Variants in HMCN1 observed in about 807,000 individuals in gnomAD.
HMCN1 encodes the protein hemicentin-1.
HMCN1 carries 321 observed loss-of-function variants against 625.9 expected under a neutral mutation model. The ratio of observed to expected loss-of-function variants is 0.51; its 90% CI spans 0.47 to 0.56. The LOEUF (loss-of-function observed/expected upper bound fraction) is 0.56, where lower values mean the gene tolerates loss of function less well. Among genes scored for constraint, HMCN1 ranks in the 20% least tolerant of loss-of-function variants. HMCN1 has a pLI of 0.00. For missense variants in HMCN1, 6,588 were observed against 6,887.3 expected, an observed-to-expected ratio of 0.96 and a Z score of 1.54; for synonymous variants, 2,425 against 2,417.6, an observed-to-expected ratio of 1.00 and a Z score of -0.09.
At chr1:185,993,926 T>C (rs968567349) in intron 23 of HMCN1, among the ~76,000 whole-genome samples, 1 of 152,086 alleles carries the variant, frequency 6.6e-6, no homozygotes, top group Admixed American at 6.6e-5. Context: ...TCACCACAAT[T>C]GTGTCCCCAT....
intron 1 of HMCN1, among the ~76,000 whole-genome samples, chr1:185,798,166 A>G (rs1658532925): frequency 6.6e-6 from 1 of 152,100 alleles, no homozygotes. Flanking sequence ...TGTGAAGCCT[A>G]GTTTAGCAGA....
Position 186,134,955 on chromosome 1 carries a change from G to A in HMCN1, c.13313-1713G>A, listed in dbSNP as rs1649503666. 2.0e-5 allele frequency among the ~76,000 whole-genome samples: 3 copies of A among 152,254 alleles called. No individual in the cohort carries two copies. In the South Asian group the frequency reaches 6.2e-4, roughly 32 times the overall value. On this transcript the variant is annotated intron_variant, in intron 86 of 106. Coordinates refer to ENST00000271588, the MANE Select transcript of HMCN1 (RefSeq NM_031935.3). Reference sequence around the variant, plus strand: ...CAACCCTGTATGCTGTTACTCTTCAGGGTGAACCTTCCTTTCTATTCTGTT... The same window carrying A: ...CAACCCTGTATGCTGTTACTCTTCAAGGTGAACCTTCCTTTCTATTCTGTT...
At chr1:186,035,627 T>C (rs1196078215) in intron 36 of HMCN1, among the ~76,000 whole-genome samples, 2 of 152,150 alleles carry the variant, frequency 1.3e-5, no homozygotes, top group Non-Finnish European at 2.9e-5. Flanking sequence ...TCAATTTCAC[T>C]TTATTTTTCT....
chr1:186,185,605 C>A (rs1388098488), intron 105 of HMCN1, among the ~76,000 whole-genome samples: 1 of 152,222 alleles, frequency 6.6e-6, no homozygotes, highest in Non-Finnish European at 1.5e-5. Context: ...CCGTATCATT[C>A]TAACCCAGTA....
intron 86 of HMCN1, among the ~76,000 whole-genome samples, chr1:186,135,699 T>A (rs1005417847): frequency 8.5e-5 from 13 of 152,342 alleles, no homozygotes; most frequent in African/African-American, 2.9e-4. Flanking sequence ...TTCTTCCCTT[T>A]AACCCATACC....
intron 4 of HMCN1, among the ~76,000 whole-genome samples, chr1:185,883,350 C>G (rs1664427411): frequency 1.3e-5 from 2 of 152,040 alleles, no homozygotes; most frequent in African/African-American, 4.8e-5. Flanking sequence ...TATTCCACTA[C>G]AATTATGATA....
At chr1:185,782,597 C>T (rs942587304) in intron 1 of HMCN1, among the ~76,000 whole-genome samples, 86 of 152,310 alleles carry the variant, frequency 5.6e-4, no homozygotes, top group South Asian at 1.7e-3. Flanking sequence ...ATTTCTCCTT[C>T]ACTTATGAAG....
At chr1:185,937,682 C>A (rs1395641910) in intron 11 of HMCN1, among the ~76,000 whole-genome samples, 1 of 151,948 alleles carries the variant, frequency 6.6e-6, no homozygotes, top group East Asian at 1.9e-4. Flanking sequence ...GAGATTGAGA[C>A]CATCCTGGCT....
Position 186,022,415 on chromosome 1 carries a change from T to C in HMCN1, c.5626-615T>C, listed in dbSNP as rs1654782187. On this transcript the variant is annotated intron_variant, in intron 35 of 106. Coordinates refer to ENST00000271588, the MANE Select transcript of HMCN1 (RefSeq NM_031935.3). ...CAACCACACCAAATGCTATAGATGG[T>C]AGAGGAGAGTATGAGCTTACTACCT... Among the ~76,000 whole-genome samples the C allele has an allele frequency of 5.9e-5, 9 of 152,086 alleles. No homozygotes were observed. In the South Asian group the frequency reaches 1.9e-3, roughly 32 times the overall value.
intron 4 of HMCN1, among the ~76,000 whole-genome samples, chr1:185,896,640 TG>T (rs943650272): frequency 1.4e-4 from 21 of 152,324 alleles, no homozygotes; most frequent in African/African-American, 5.1e-4. Context: ...GAAAGATCCT[TG>T]GAACGGATGC....
intron 29 of HMCN1, among the ~76,000 whole-genome samples, chr1:186,005,770 C>T (rs1455563847): frequency 6.6e-6 from 1 of 152,064 alleles, no homozygotes; most frequent in Non-Finnish European, 1.5e-5. Flanking sequence ...ATGTTACTTG[C>T]ACAATTGACA....
At chr1:186,055,858 C>T (rs188469457) in intron 45 of HMCN1, among the ~76,000 whole-genome samples, 184 bp downstream of exon 45, 4 of 152,038 alleles carry the variant, frequency 2.6e-5, no homozygotes, top group Admixed American at 2.6e-4. Flanking sequence ...CATTATTTAC[C>T]TTGCTGAAAT....
At chr1:186,085,377 A>C (rs75975196) in intron 57 of HMCN1, among the ~76,000 whole-genome samples, 2 of 152,204 alleles carry the variant, frequency 1.3e-5, no homozygotes, top group East Asian at 3.9e-4. Context: ...GTTTGCAGGC[A>C]CCTGCTTTGT....
intron 86 of HMCN1, among the ~76,000 whole-genome samples, chr1:186,134,736 G>A (rs1649490252): frequency 6.6e-6 from 1 of 152,068 alleles, no homozygotes; most frequent in Non-Finnish European, 1.5e-5. Context: ...ACACTTCTCA[G>A]TCTAAAATAT....
chr1:186,099,029 G>A (rs1333202695), intron 68 of HMCN1, among the ~76,000 whole-genome samples: 1 of 152,046 alleles, frequency 6.6e-6, no homozygotes, highest in Non-Finnish European at 1.5e-5. Flanking sequence ...GAGACAGGGG[G>A]AGTAGGTCAG....
chr1:185,873,142 A>G (rs1370191185), intron 4 of HMCN1, among the ~76,000 whole-genome samples: 1 of 152,148 alleles, frequency 6.6e-6, no homozygotes, highest in Non-Finnish European at 1.5e-5. Context: ...TATTTAGCTG[A>G]CTCTATTTTG....
At chr1:185,982,060 T>A (rs943057596) in intron 17 of HMCN1, among the ~76,000 whole-genome samples, 1 of 152,230 alleles carries the variant, frequency 6.6e-6, no homozygotes, top group African/African-American at 2.4e-5. Flanking sequence ...AGTAATGTAT[T>A]ACCTGTCCTT....
At chr1:185,923,692 T>G (rs1339115018) in intron 8 of HMCN1, 39 bp downstream of exon 8, 1 of 1,519,696 alleles carries the variant, frequency 6.6e-7, no homozygotes, top group South Asian at 1.1e-5. Flanking sequence ...ATATTGACAG[T>G]TTAAGAGGGT....
Position 186,039,796 on chromosome 1 carries a change from T to A in HMCN1, c.6097T>A (p.Cys2033Ser). ...VVVNNPVRLE[C>S]EARGIPAPSL... ...GGTTAATAACCCGGTGAGGTTAGAA[T>A]GTGAAGCCAGAGGTATTCCTGCCCC... is the stretch of plus-strand genomic sequence containing the variant. Residue 2033 changes from cysteine (C) to serine (S), a missense_variant, in exon 39 of 107, where the codon TGT becomes AGT. This residue lies in a region of HMCN1 where 4,628 missense variants were observed against 4,853.1 expected (regional missense o/e 0.95). Transcript: ENST00000271588. The A allele has an allele frequency of 6.2e-7, 1 of 1,613,596 alleles. No homozygotes were observed. Among genetic ancestry groups the A allele is most frequent in the Non-Finnish European group, 8.5e-7 (1 of 1,179,644 alleles).
Sources: allele counts gnomAD v4.1 joint callset (sites outside exome capture counted in the v4.1 genomes callset), GRCh38; gene constraint gnomAD v4.1.1; regional missense constraint gnomAD v4.1.1; transcripts MANE v1.5; gene names NCBI Gene and HGNC (gene_info 2026-07-23, HGNC 2026-07-21).